Variants in VPS13B observed in about 807,000 individuals in gnomAD.
The protein encoded by VPS13B is intermembrane lipid transfer protein VPS13B.
In VPS13B, 285 loss-of-function variants were observed where a neutral mutation model predicts 426.4. The ratio of observed to expected loss-of-function variants is 0.67; its 90% CI spans 0.61 to 0.74. The LOEUF is 0.74. VPS13B is among the 30% of genes least tolerant of loss of function. The pLI is 0.00. For missense variants in VPS13B, 4,537 were observed against 4,782.6 expected (o/e 0.95, Z 1.51); for synonymous variants, 1,676 against 1,676.4 (o/e 1.00, Z 0.01).
intron 19 of VPS13B, among the ~76,000 whole-genome samples, chr8:99,294,334 G>A (rs1819914100): frequency 8.2e-6 from 1 of 122,208 alleles, no homozygotes; most frequent in Non-Finnish European, 1.7e-5. Flanking sequence ...GGTGGGAATT[G>A]AACAATGAGA....
intron 33 of VPS13B, among the ~76,000 whole-genome samples, chr8:99,632,901 A>G (rs1828905528): frequency 1.3e-5 from 2 of 152,022 alleles, no homozygotes; most frequent in South Asian, 4.1e-4. Context: ...GTTAGGTAGT[A>G]GAGAATATTG....
intron 15 of VPS13B, among the ~76,000 whole-genome samples, chr8:99,168,453 A>T (rs1457846942): frequency 1.3e-5 from 2 of 152,108 alleles, no homozygotes; most frequent in Non-Finnish European, 2.9e-5. Context: ...GAGCATAGGT[A>T]ATATGATGTG....
At chr8:99,501,101 T>G (rs1046968823) in intron 25 of VPS13B, among the ~76,000 whole-genome samples, 1 of 152,238 alleles carries the variant, frequency 6.6e-6, no homozygotes, top group South Asian at 2.1e-4. Context: ...TCTCCTTAAT[T>G]AACATGCAAG....
intron 33 of VPS13B, among the ~76,000 whole-genome samples, chr8:99,593,855 G>A (rs1302679749): frequency 2.0e-5 from 3 of 152,036 alleles, no homozygotes; most frequent in Admixed American, 1.3e-4. Flanking sequence ...GGAGCTGAAT[G>A]ATGAGAACAC....
At position 99,111,121 on chromosome 8, in the gene VPS13B, G is replaced by T. The variant is rs759411797; in HGVS notation, c.604G>T (p.Val202Phe). ...ISATDLVLRK[V>F]INFSDCTVCL... ...AGCAACTGATTTGGTGCTGAGAAAG[G>T]TTATCAATTTTTCTGACTGTACAGT... Residue 202 changes from valine to phenylalanine, a missense_variant, in exon 6 of 62, where the codon GTT becomes TTT. Around this residue, in one of 2 missense-constraint regions of VPS13B, gnomAD observed 226 missense variants for 308.3 expected, o/e 0.73. Coordinates refer to ENST00000357162, the MANE Select transcript of VPS13B (RefSeq NM_152564.5). 12 of 1,603,396 alleles carry T rather than the reference G, an allele frequency of 7.5e-6. No individual in the cohort carries two copies. In the African/African-American group the frequency reaches 9.4e-5, roughly 13 times the overall value.
At chr8:99,721,885 A>T (rs1211651220) in intron 39 of VPS13B, among the ~76,000 whole-genome samples, 8 of 152,168 alleles carry the variant, frequency 5.3e-5, no homozygotes, top group Admixed American at 4.6e-4. Context: ...TAGCTTCCTA[A>T]TTGGCCTCTA....
At chr8:99,313,076 T>A (rs1333421102) in intron 19 of VPS13B, among the ~76,000 whole-genome samples, 1 of 152,162 alleles carries the variant, frequency 6.6e-6, no homozygotes, top group Non-Finnish European at 1.5e-5. Flanking sequence ...CATCTAATCT[T>A]TTTTCAAGGT....
intron 34 of VPS13B, among the ~76,000 whole-genome samples, chr8:99,644,130 C>G (rs1829484127): frequency 6.6e-6 from 1 of 152,176 alleles, no homozygotes; most frequent in African/African-American, 2.4e-5. Flanking sequence ...CAGCTATGAC[C>G]TCTTCCTAAA....
In VPS13B at chr8:99,275,218, C is replaced by A. The variant is rs372949456; in HGVS notation, c.2788C>A (p.Gln930Lys). 4 of 1,611,888 alleles carry A rather than the reference C, an allele frequency of 2.5e-6. No individual in the cohort carries two copies. The Admixed American group carries it at 6.7e-5, about 27-fold the overall frequency. ...TCCAGATTTGATGGCCTTCACAATC[C>A]AAGTTCCACAATATATTGACTACTG... ...LAPDLMAFTI[Q>K]VPQYIDYCHN... The change falls in exon 19 of 62, where the codon CAA becomes AAA. Residue 930 changes from glutamine to lysine, a missense_variant. Transcript: ENST00000357162.
intron 17 of VPS13B, among the ~76,000 whole-genome samples, chr8:99,248,269 A>G (rs1817324579): frequency 6.6e-6 from 1 of 152,166 alleles, no homozygotes. Context: ...GGGAAAGAGG[A>G]AAAAATTTCT....
chr8:99,063,970 T>A (rs1197522423), intron 3 of VPS13B, among the ~76,000 whole-genome samples: 3 of 152,138 alleles, frequency 2.0e-5, no homozygotes. Context: ...GGAGTGAACC[T>A]CCAGCAAACT....
chr8:99,028,769 C>T (rs1219311898), intron 2 of VPS13B, among the ~76,000 whole-genome samples: 2 of 141,104 alleles, frequency 1.4e-5, no homozygotes, highest in African/African-American at 5.3e-5. Flanking sequence ...GGCAGAGGGG[C>T]TCCTCACTTC....
chr8:99,626,877 T>G (rs981396747), intron 33 of VPS13B, among the ~76,000 whole-genome samples: 1 of 152,324 alleles, frequency 6.6e-6, no homozygotes, highest in East Asian at 1.9e-4. Flanking sequence ...CCTAAGTGTT[T>G]ATCAACAGAT....
chr8:99,198,387 G>C (rs1368167277), intron 17 of VPS13B, among the ~76,000 whole-genome samples: 2 of 151,820 alleles, frequency 1.3e-5, no homozygotes, highest in African/African-American at 4.8e-5. Context: ...AATTGGCTTA[G>C]ATAGCCTGAA....
At chr8:99,049,349 G>C (rs1197736800) in intron 3 of VPS13B, among the ~76,000 whole-genome samples, 2 of 151,670 alleles carry the variant, frequency 1.3e-5, no homozygotes, top group African/African-American at 2.4e-5. Flanking sequence ...TTGTAGTGCT[G>C]GCTTGGTAGT....
At chr8:99,275,285 TTTGC>T in intron 19 of VPS13B, 31 bp downstream of exon 19, 1 of 1,515,724 alleles carries the variant, frequency 6.6e-7, no homozygotes, top group Non-Finnish European at 8.8e-7. Context: ...ATTCCCTTGT[TTTGC>T]TTTTTTTTTT....
At chr8:99,421,216 CA>C (rs1816351435) in intron 21 of VPS13B, among the ~76,000 whole-genome samples, 1 of 152,020 alleles carries the variant, frequency 6.6e-6, no homozygotes, top group African/African-American at 2.4e-5. Flanking sequence ...GGTTCATCCC[CA>C]AGATATAATT....
At chr8:99,304,885 T>C (rs772483188) in intron 19 of VPS13B, among the ~76,000 whole-genome samples, 2 of 152,098 alleles carry the variant, frequency 1.3e-5, no homozygotes, top group African/African-American at 2.4e-5. Context: ...CCCCTCCCAA[T>C]GTTTTCTGTA....
intron 39 of VPS13B, among the ~76,000 whole-genome samples, chr8:99,750,114 G>C (rs1810319070): frequency 6.6e-6 from 1 of 151,984 alleles, no homozygotes; most frequent in African/African-American, 2.4e-5. Flanking sequence ...GTTTGAAATG[G>C]TTTATATTTT....
Sources: allele counts gnomAD v4.1 joint callset (sites outside exome capture counted in the v4.1 genomes callset), GRCh38; gene constraint gnomAD v4.1.1; regional missense constraint gnomAD v4.1.1; transcripts MANE v1.5; gene names NCBI Gene and HGNC (gene_info 2026-07-23, HGNC 2026-07-21).